USH2A: variants seen among roughly 807,000 people sequenced by gnomAD.
The protein encoded by USH2A is usherin.
USH2A carries 443 observed loss-of-function variants against 538.9 expected under a neutral mutation model. The ratio of observed to expected loss-of-function variants is 0.82; its 90% CI spans 0.76 to 0.89. The LOEUF (loss-of-function observed/expected upper bound fraction) is 0.89, where lower values mean the gene tolerates loss of function less well. Among genes scored for constraint, USH2A ranks in the 40% least tolerant of loss-of-function variants. USH2A has a pLI of 0.00. For synonymous variants in USH2A, 2,413 were observed against 2,273.5 expected (o/e 1.06, Z -1.75); for missense variants, 6,633 against 6,324.8 (o/e 1.05, Z -1.65).
rs145346316 is a variant in USH2A at position 216,188,284 on chromosome 1, G to A, written c.4396+1939C>T. ...CAGGCAGATTCTATTCTGTAGACAT[G>A]TTTCCTGCTCTTCTATTCCCATCTC... On this transcript the variant is annotated intron_variant, in intron 20 of 71. Transcript: ENST00000307340. Among the ~76,000 whole-genome samples, 969 of 151,928 alleles carry A rather than the reference G, an allele frequency of 6.4e-3. 9 individuals carry two copies. The highest frequency in any genetic ancestry group is 0.022 in the African/African-American group (921 of 41,488).
At chr1:215,909,240 A>G (rs1452715184) in intron 38 of USH2A, among the ~76,000 whole-genome samples, 1 of 151,892 alleles carries the variant, frequency 6.6e-6, no homozygotes, top group Non-Finnish European at 1.5e-5. Flanking sequence ...AGATAAAGGC[A>G]AAACTATAGA....
rs142483402 is a variant in USH2A, at chr1:216,098,477, G to A, written c.4628-1264C>T. On this transcript the variant is annotated intron_variant, in intron 21 of 71. Transcript: ENST00000307340. ...AGGAAGGAGATCTTCCTTCAGGCTG[G>A]GCTGGTAACCAAAAGCCCTACATAG... 7.2e-5 allele frequency among the ~76,000 whole-genome samples: 11 copies of A among 152,246 alleles called. No homozygotes were observed. In the East Asian group the frequency reaches 2.1e-3, roughly 29 times the overall value.
In USH2A at chr1:216,400,415, A is replaced by C. The variant is rs904403585; in HGVS notation, c.651+18099T>G. Among the ~76,000 whole-genome samples the C allele has an allele frequency of 1.1e-4, 17 of 151,618 alleles. No homozygotes were observed. The East Asian group carries it at 1.2e-3, about 10-fold the overall frequency. Reference sequence around the variant, plus strand: ...AGAGAGATTAAAAGGAAAAAAAAAAACTTGAAGAGAGCTTCAAGAACCAGT... The same window carrying C: ...AGAGAGATTAAAAGGAAAAAAAAAACCTTGAAGAGAGCTTCAAGAACCAGT... On this transcript the variant is annotated intron_variant, in intron 3 of 71. Coordinates refer to ENST00000307340, the MANE Select transcript of USH2A (RefSeq NM_206933.4).
chr1:216,410,579 C>T (rs2039472069), intron 3 of USH2A, among the ~76,000 whole-genome samples: 1 of 151,984 alleles, frequency 6.6e-6, no homozygotes, highest in Non-Finnish European at 1.5e-5. Context: ...GGGATATGGA[C>T]ATCAGAATAT....
At chr1:216,263,412 T>G (rs955040768) in intron 11 of USH2A, among the ~76,000 whole-genome samples, 8 of 152,058 alleles carry the variant, frequency 5.3e-5, no homozygotes, top group African/African-American at 1.2e-4. Flanking sequence ...TCAAAAATAT[T>G]ACATACCAGG....
At chr1:215,923,327 T>C (rs921722456) in intron 38 of USH2A, among the ~76,000 whole-genome samples, 3 of 152,080 alleles carry the variant, frequency 2.0e-5, no homozygotes, top group African/African-American at 7.2e-5. Context: ...AAGGATCAAA[T>C]GACGTCACCA....
chr1:215,936,850 A>G (rs1379563738), intron 37 of USH2A, among the ~76,000 whole-genome samples: 2 of 152,108 alleles, frequency 1.3e-5, no homozygotes, highest in African/African-American at 4.8e-5. Flanking sequence ...TATATTTCAA[A>G]CTGAAATTAA....
intron 20 of USH2A, among the ~76,000 whole-genome samples, chr1:216,188,761 T>A (rs1454394839): frequency 2.0e-5 from 3 of 151,908 alleles, no homozygotes; most frequent in Non-Finnish European, 4.4e-5. Context: ...ACTGGCTATA[T>A]AGTAACACTA....
intron 9 of USH2A, among the ~76,000 whole-genome samples, chr1:216,301,355 T>A (rs139503576): frequency 1.4e-4 from 22 of 152,192 alleles, no homozygotes; most frequent in Non-Finnish European, 3.2e-4. Flanking sequence ...TCACAATGAG[T>A]CATCGAAAAC....
Position 215,934,636 on chromosome 1 carries a change from G to A in USH2A, c.7280C>T (p.Thr2427Ile). Residue 2427 changes from threonine to isoleucine, a missense_variant, in exon 38 of 72, where the codon ACA becomes ATA. Physicochemically the swap from Thr to Ile is moderately conservative, Grantham distance 89 (BLOSUM62 -1). Transcript: ENST00000307340. ...SQGSLITDPITIAMPPGAPDG... is the reference protein window; with the variant it reads ...SQGSLITDPIIIAMPPGAPDG... Reference sequence around the variant, plus strand: ...CTTACCTCCTGGAGGCATTGCAATTGTTATAGGATCAGTTATCAAGCTGCC... The same window carrying A: ...CTTACCTCCTGGAGGCATTGCAATTATTATAGGATCAGTTATCAAGCTGCC... 2 of 1,612,242 alleles carry A rather than the reference G, an allele frequency of 1.2e-6. No individual in the cohort carries two copies. Among genetic ancestry groups the A allele is most frequent in the Non-Finnish European group, 1.7e-6 (2 of 1,178,780 alleles).
At chr1:216,165,809 T>TC (rs1491353758) in intron 21 of USH2A, among the ~76,000 whole-genome samples, 53 of 4,164 alleles carry the variant, frequency 0.013, no homozygotes, top group African/African-American at 0.023. Flanking sequence ...AAACAACCAG[T>TC]TTTTTTTTTT....
chr1:215,718,702 C>T (rs1282654541), intron 61 of USH2A, among the ~76,000 whole-genome samples: 1 of 150,982 alleles, frequency 6.6e-6, no homozygotes, highest in Admixed American at 6.6e-5. Context: ...TAAGCCCTTG[C>T]AGAGCTAAGG....
At chr1:215,741,064 T>C (rs1660286637) in intron 60 of USH2A, among the ~76,000 whole-genome samples, 1 of 152,142 alleles carries the variant, frequency 6.6e-6, no homozygotes, top group Non-Finnish European at 1.5e-5. Context: ...AGAGGACTGT[T>C]CTGCCCCATC....
chr1:215,701,162 G>A (rs1218588826), intron 61 of USH2A, among the ~76,000 whole-genome samples: 1 of 152,188 alleles, frequency 6.6e-6, no homozygotes, highest in Non-Finnish European at 1.5e-5. Context: ...ATTGCACTGT[G>A]TTCTGAGAGA....
chr1:215,839,674 T>C (rs1663622297), intron 46 of USH2A, among the ~76,000 whole-genome samples: 1 of 152,190 alleles, frequency 6.6e-6, no homozygotes, highest in African/African-American at 2.4e-5. Context: ...AATATGTTTT[T>C]ATTCTTACTA....
At chr1:216,403,649 T>G (rs937758493) in intron 3 of USH2A, among the ~76,000 whole-genome samples, 6 of 152,040 alleles carry the variant, frequency 3.9e-5, no homozygotes, top group Non-Finnish European at 8.8e-5. Flanking sequence ...AAGCCAAAAT[T>G]TAAAACACAA....
intron 69 of USH2A, 91 bp downstream of exon 69, chr1:215,639,063 TA>T (rs1224229230): frequency 3.4e-6 from 4 of 1,187,296 alleles, no homozygotes; most frequent in Non-Finnish European, 5.0e-6. Context: ...TATGCTAATA[TA>T]TTAGGACTCC....
rs746265112 is a variant in USH2A, at chr1:216,050,604, CTTTTTTT to C, written c.6050-1964_6050-1958del. Among the ~76,000 whole-genome samples the C allele has an allele frequency of 2.9e-5, 2 of 68,564 alleles. 1 individual carries two copies. Among genetic ancestry groups the C allele is most frequent in the African/African-American group, 1.1e-4 (2 of 18,784 alleles). 45.0% of individuals were successfully genotyped at this position (68,564 alleles called of 152,430 possible). On this transcript the variant is annotated intron_variant, in intron 30 of 71. Transcript: ENST00000307340. ...TCTTTCTTTCTTTCTTTCTTTCTTT[CTTTTTTT>C]TTTTTTTTTTTGAGACAGAGTCTCG...
At chr1:216,359,880 A>T (rs1181621938) in intron 4 of USH2A, among the ~76,000 whole-genome samples, 1 of 152,090 alleles carries the variant, frequency 6.6e-6, no homozygotes, top group East Asian at 1.9e-4. Flanking sequence ...TTGCATGAAA[A>T]CCAACAGGCC....
Sources: allele counts gnomAD v4.1 joint callset (sites outside exome capture counted in the v4.1 genomes callset), GRCh38; gene constraint gnomAD v4.1.1; transcripts MANE v1.5; gene names NCBI Gene and HGNC (gene_info 2026-07-23, HGNC 2026-07-21).